SLC9A7: variants seen among roughly 807,000 people sequenced by gnomAD.
SLC9A7 encodes solute carrier family 9 member A7, also known as sodium/hydrogen exchanger 7.
A neutral mutation model predicts 52.6 loss-of-function variants in SLC9A7; 19 were observed. The observed-to-expected ratio is 0.36, with a 90% CI of 0.25 to 0.53. The LOEUF (loss-of-function observed/expected upper bound fraction) is 0.53, where lower values mean the gene tolerates loss of function less well. Ranked by LOEUF, SLC9A7 falls within the 20% of genes least tolerant of loss-of-function variation. The pLI, the probability that SLC9A7 is intolerant of heterozygous loss-of-function variation, is 0.91. For missense variants in SLC9A7, 455 were observed against 597.9 expected, an observed-to-expected ratio of 0.76 and a Z score of 2.49; for synonymous variants, 226 against 252.1, an observed-to-expected ratio of 0.90 and a Z score of 0.98.
intron 10 of SLC9A7, 68 bp from the exon 11 acceptor site, chrX:46,648,865 G>A: frequency 2.5e-6 from 2 of 815,059 alleles, no homozygotes; most frequent in South Asian, 2.2e-5. Flanking sequence ...ACCTCCGGCT[G>A]AGCAGAGAAT....
intron 1 of SLC9A7, among the ~76,000 whole-genome samples, chrX:46,687,969 T>C (rs1473007440): frequency 8.9e-6 from 1 of 112,464 alleles, no homozygotes; most frequent in Non-Finnish European, 1.9e-5. Context: ...TTTCACTTAG[T>C]ATGTTTTCAA....
intron 1 of SLC9A7, among the ~76,000 whole-genome samples, chrX:46,688,666 T>C (rs1169424738): frequency 9.0e-6 from 1 of 110,552 alleles, no homozygotes; most frequent in Non-Finnish European, 1.9e-5. Context: ...TGTCTTATGA[T>C]CATACCTGTT....
Position 46,653,711 on chromosome X carries a change from T to C in SLC9A7, c.1045A>G (p.Thr349Ala). 1 of 1,203,365 alleles carries C rather than the reference T, an allele frequency of 8.3e-7. No individual in the cohort carries two copies. Among genetic ancestry groups the C allele is most frequent in the South Asian group, 1.8e-5 (1 of 56,608 alleles). ...AVTGVVTALVTKFTKLHCFPL... is the reference protein window; with the variant it reads ...AVTGVVTALVAKFTKLHCFPL... Reference sequence around the variant, plus strand: ...AAGCAGTGCAGTTTGGTAAACTTAGTCACGTTGGCATTCTGTCAAGGACCC... The same window carrying C: ...AAGCAGTGCAGTTTGGTAAACTTAGCCACGTTGGCATTCTGTCAAGGACCC... The change falls in exon 8 of 17, where the codon ACT becomes GCT. Residue 349 changes from threonine (T) to alanine (A), a missense_variant. Thr to Ala is a moderately conservative substitution (Grantham distance 58). Around this residue, in one of 3 missense-constraint regions of SLC9A7, gnomAD observed 304 missense variants for 417.8 expected, o/e 0.73. Transcript: ENST00000616978.
intron 1 of SLC9A7, among the ~76,000 whole-genome samples, chrX:46,727,241 A>G (rs1944960276): frequency 8.9e-6 from 1 of 111,876 alleles, no homozygotes; most frequent in Admixed American, 9.5e-5. Flanking sequence ...AGCCTGCTTC[A>G]CCCTTTGGCT....
At chrX:46,678,412 TTTTATTTA>T (rs368646149) in intron 3 of SLC9A7, among the ~76,000 whole-genome samples, 201 of 90,997 alleles carry the variant, frequency 2.2e-3, no homozygotes, top group Middle Eastern at 0.011. Flanking sequence ...TGGCATTTGT[TTTTATTTA>T]TTTATTTATT....
In SLC9A7 at chrX:46,750,604, C is replaced by T. The variant is rs191278359; in HGVS notation, c.325+8101G>A. Among the ~76,000 whole-genome samples, 217 of 112,196 alleles carry T rather than the reference C, an allele frequency of 1.9e-3. 1 individual carries two copies. The highest frequency in any genetic ancestry group is 6.3e-3 in the African/African-American group (194 of 30,835). On this transcript the variant is annotated intron_variant, in intron 1 of 16. Transcript: ENST00000616978. ...GGCTCAAGCAATCCTCCCGCTTCGG[C>T]CTCCCAAAGTGCTAGAATTACAGGC... is the stretch of plus-strand genomic sequence containing the variant.
At chrX:46,670,809 G>T (rs1325233106) in intron 4 of SLC9A7, among the ~76,000 whole-genome samples, 1 of 111,899 alleles carries the variant, frequency 8.9e-6, no homozygotes, top group Non-Finnish European at 1.9e-5. Context: ...CTTTTCACAG[G>T]AATTGTATGT....
intron 1 of SLC9A7, among the ~76,000 whole-genome samples, chrX:46,746,115 A>T (rs1294346964): frequency 2.7e-5 from 3 of 110,800 alleles, no homozygotes; most frequent in Non-Finnish European, 5.7e-5. Flanking sequence ...TCTTGAGGTC[A>T]GGAGTTTGAG....
intron 1 of SLC9A7, among the ~76,000 whole-genome samples, chrX:46,732,495 G>A (rs1945059443): frequency 1.8e-5 from 2 of 109,850 alleles, no homozygotes; most frequent in Admixed American, 1.9e-4. Context: ...GGAGGTTGCA[G>A]TGAGCCAAGA....
chrX:46,654,982 CT>C lies in SLC9A7; in HGVS notation c.1042-1269del, dbSNP rs60881484. On this transcript the variant is annotated intron_variant, in intron 7 of 16. Transcript: ENST00000616978. ...TCTTTTTTTCTTTCTTTCTTTCTTT[CT>C]TTTTTTTTTTTTTTTTTTTGAGACG... Among the ~76,000 whole-genome samples, 691 of 83,566 alleles carry C rather than the reference CT, an allele frequency of 8.3e-3. 3 individuals are homozygous for C. Among genetic ancestry groups the C allele is most frequent in the African/African-American group, 0.029 (611 of 21,058 alleles). 72.6% of individuals were successfully genotyped at this position (83,566 alleles called of 115,157 possible). A position where few individuals can be genotyped will look rare whatever the true frequency, so the allele number is the denominator to read the frequency against.
chrX:46,679,037 C>T (rs984716316), intron 3 of SLC9A7, among the ~76,000 whole-genome samples: 2 of 111,273 alleles, frequency 1.8e-5, no homozygotes, highest in Non-Finnish European at 3.8e-5. Context: ...CCCCAATGCC[C>T]CCACCATCCC....
intron 1 of SLC9A7, among the ~76,000 whole-genome samples, chrX:46,719,581 G>A (rs2146953901): frequency 1.8e-5 from 2 of 111,985 alleles, no homozygotes; most frequent in South Asian, 7.3e-4. Context: ...GAAAACCATA[G>A]AAAATAAGCT....
chrX:46,691,493 C>A (rs1297942878), intron 1 of SLC9A7, among the ~76,000 whole-genome samples: 1 of 111,992 alleles, frequency 8.9e-6, no homozygotes, highest in Non-Finnish European at 1.9e-5. Context: ...TAGCTACAAT[C>A]CAGCACAAAG....
chrX:46,624,645 T>TA (rs756766218), intron 14 of SLC9A7, among the ~76,000 whole-genome samples: 10 of 112,147 alleles, frequency 8.9e-5, no homozygotes, highest in Non-Finnish European at 1.5e-4. Context: ...GGCATGTAGT[T>TA]AGAGCTCATA....
intron 4 of SLC9A7, 38 bp downstream of exon 4, chrX:46,672,513 C>T (rs1271725566): frequency 2.3e-5 from 24 of 1,046,349 alleles, no homozygotes; most frequent in Non-Finnish European, 3.1e-5. Flanking sequence ...CCCTATGGAA[C>T]GTGTGTTAAT....
chrX:46,698,796 T>C (rs17147393), intron 1 of SLC9A7, among the ~76,000 whole-genome samples: 2,493 of 111,749 alleles, frequency 0.022, 65 homozygotes, highest in African/African-American at 0.076. Flanking sequence ...TTTTTTTCAC[T>C]CCACTTTGTT....
chrX:46,751,510 T>C (rs1922233692), intron 1 of SLC9A7, among the ~76,000 whole-genome samples: 1 of 110,923 alleles, frequency 9.0e-6, no homozygotes, highest in South Asian at 3.7e-4. Flanking sequence ...AAAAGTAAAA[T>C]GAAAAAGAAG....
At chrX:46,679,976 T>C (rs1944184756) in intron 2 of SLC9A7, among the ~76,000 whole-genome samples, 1 of 112,181 alleles carries the variant, frequency 8.9e-6, no homozygotes, top group Admixed American at 9.4e-5. Flanking sequence ...ATCTTGCTTG[T>C]GCTGTTTTAA....
At chrX:46,700,634 C>T (rs1944516793) in intron 1 of SLC9A7, among the ~76,000 whole-genome samples, 1 of 112,391 alleles carries the variant, frequency 8.9e-6, no homozygotes, top group African/African-American at 3.2e-5. Flanking sequence ...TGCAGGTACA[C>T]TGATCTTGGA....
Sources: allele counts gnomAD v4.1 joint callset (sites outside exome capture counted in the v4.1 genomes callset), GRCh38; gene constraint gnomAD v4.1.1; regional missense constraint gnomAD v4.1.1; transcripts MANE v1.5; gene names NCBI Gene and HGNC (gene_info 2026-07-23, HGNC 2026-07-21).